The following PPM1H variants were observed in gnomAD, a reference collection of about 807,000 sequenced individuals.
The protein encoded by PPM1H is protein phosphatase 1H.
PPM1H carries 27 observed loss-of-function variants against 54.9 expected under a neutral mutation model. The observed-to-expected ratio is 0.49, with a 90% CI of 0.36 to 0.68. The LOEUF (loss-of-function observed/expected upper bound fraction) is 0.68, where lower values mean the gene tolerates loss of function less well. Among genes scored for constraint, PPM1H ranks in the 30% least tolerant of loss-of-function variants. The probability of loss-of-function intolerance (pLI) is 0.00; values close to 1 mark genes in which losing one functional copy is unlikely to be tolerated. For missense variants in PPM1H, 596 were observed against 667.8 expected, an observed-to-expected ratio of 0.89 and a Z score of 1.19; for synonymous variants, 305 against 270.8, an observed-to-expected ratio of 1.13 and a Z score of -1.24.
At chr12:62,759,313 C>A (rs1252734955) in intron 4 of PPM1H, among the ~76,000 whole-genome samples, 1 of 152,236 alleles carries the variant, frequency 6.6e-6, no homozygotes, top group African/African-American at 2.4e-5. Context: ...GTCCTCAGAC[C>A]AACCAGCCCA....
intron 1 of PPM1H, among the ~76,000 whole-genome samples, chr12:62,932,402 C>T (rs41387146): frequency 0.18 from 26,878 of 151,836 alleles, 2,643 homozygotes; most frequent in African/African-American, 0.24. Flanking sequence ...TTTACTGTGT[C>T]CAAACGGCTT....
chr12:62,714,880 C>T (rs1450233721), intron 6 of PPM1H, among the ~76,000 whole-genome samples: 1 of 152,184 alleles, frequency 6.6e-6, no homozygotes, highest in Non-Finnish European at 1.5e-5. Context: ...TTGGCCCTTG[C>T]TCTCTCTACA....
chr12:62,717,108 G>T (rs570257364), intron 6 of PPM1H, among the ~76,000 whole-genome samples: 41 of 152,230 alleles, frequency 2.7e-4, no homozygotes, highest in African/African-American at 9.6e-4. Flanking sequence ...CCAAATGCTG[G>T]GATTATAGGT....
At chr12:62,925,483 C>T (rs1871945380) in intron 1 of PPM1H, among the ~76,000 whole-genome samples, 2 of 152,320 alleles carry the variant, frequency 1.3e-5, no homozygotes, top group Middle Eastern at 3.4e-3. Context: ...GAGGCTGAGG[C>T]ATGAGAATTG....
intron 2 of PPM1H, among the ~76,000 whole-genome samples, chr12:62,825,011 G>C (rs925394615): frequency 7.9e-5 from 12 of 151,884 alleles, no homozygotes; most frequent in African/African-American, 1.9e-4. Flanking sequence ...GTTGACAAAG[G>C]GCTAATATCC....
intron 4 of PPM1H, among the ~76,000 whole-genome samples, chr12:62,743,427 C>G (rs551702509): frequency 1.3e-5 from 2 of 152,024 alleles, no homozygotes; most frequent in Non-Finnish European, 2.9e-5. Context: ...TAATTTATTC[C>G]TAACCAATGA....
intron 7 of PPM1H, among the ~76,000 whole-genome samples, chr12:62,690,883 A>G (rs2076078996): frequency 6.6e-6 from 1 of 152,208 alleles, no homozygotes; most frequent in Non-Finnish European, 1.5e-5. Flanking sequence ...AGGCATGAGA[A>G]TCACTTGAAC....
At chr12:62,880,263 A>T (rs182872447) in intron 1 of PPM1H, among the ~76,000 whole-genome samples, 161 of 152,356 alleles carry the variant, frequency 1.1e-3, no homozygotes, top group Middle Eastern at 3.4e-3. Context: ...ATACTGCTCT[A>T]ACAAAGTCAA....
chr12:62,806,589 G>T (rs564493940), intron 2 of PPM1H, among the ~76,000 whole-genome samples: 1 of 152,136 alleles, frequency 6.6e-6, no homozygotes, highest in Non-Finnish European at 1.5e-5. Context: ...CCTTGTTCTT[G>T]TGACAGTGAG....
intron 4 of PPM1H, among the ~76,000 whole-genome samples, chr12:62,766,313 ACTTAAC>A (rs1209300301): frequency 6.6e-6 from 1 of 152,190 alleles, no homozygotes; most frequent in Admixed American, 6.5e-5. Flanking sequence ...ATTTATCCAT[ACTTAAC>A]CTTTACCCTT....
chr12:62,765,847 T>C (rs747434025), intron 4 of PPM1H, among the ~76,000 whole-genome samples: 11 of 152,166 alleles, frequency 7.2e-5, no homozygotes, highest in Non-Finnish European at 1.5e-4. Flanking sequence ...GGGCAGCATG[T>C]TATCAAGACA....
intron 4 of PPM1H, among the ~76,000 whole-genome samples, chr12:62,746,157 T>C (rs941070000): frequency 2.6e-5 from 4 of 152,082 alleles, no homozygotes; most frequent in African/African-American, 9.7e-5. Flanking sequence ...ATCATGCCAC[T>C]GCACTCCAGC....
At chr12:62,679,837 AC>A (rs1340126197) in intron 8 of PPM1H, among the ~76,000 whole-genome samples, 1 of 152,206 alleles carries the variant, frequency 6.6e-6, no homozygotes, top group African/African-American at 2.4e-5. Context: ...ATATGCCTTT[AC>A]ACTGCAAAGT....
intron 1 of PPM1H, among the ~76,000 whole-genome samples, chr12:62,896,588 A>G (rs1870996484): frequency 6.6e-6 from 1 of 152,232 alleles, no homozygotes; most frequent in East Asian, 1.9e-4. Flanking sequence ...ATCGTTAAAA[A>G]GTCAGGAAAC....
intron 5 of PPM1H, among the ~76,000 whole-genome samples, chr12:62,725,727 GC>G (rs538349738): frequency 4.3e-4 from 65 of 151,886 alleles, no homozygotes; most frequent in Non-Finnish European, 9.1e-4. Flanking sequence ...AATCTTTTCC[GC>G]CCCTGCAGGT....
At chr12:62,724,851 G>A (rs2076281657) in intron 5 of PPM1H, among the ~76,000 whole-genome samples, 1 of 152,072 alleles carries the variant, frequency 6.6e-6, no homozygotes, top group South Asian at 2.1e-4. Context: ...TATTTAATAA[G>A]GGATATAGAA....
intron 4 of PPM1H, among the ~76,000 whole-genome samples, chr12:62,777,906 G>C (rs1323153855): frequency 5.9e-5 from 9 of 152,152 alleles, no homozygotes; most frequent in Admixed American, 5.9e-4. Flanking sequence ...TTGGTATGCT[G>C]TTTACTTGTA....
At chr12:62,787,598 T>C (rs773640152) in intron 4 of PPM1H, among the ~76,000 whole-genome samples, 7 of 152,298 alleles carry the variant, frequency 4.6e-5, no homozygotes, top group Non-Finnish European at 8.8e-5. Context: ...GGTGGGAGGA[T>C]TGTTTGAGCC....
At chr12:62,772,888 G>A (rs2076587561) in intron 4 of PPM1H, among the ~76,000 whole-genome samples, 1 of 152,218 alleles carries the variant, frequency 6.6e-6, no homozygotes, top group Non-Finnish European at 1.5e-5. Context: ...GGTGGCTCAT[G>A]CCTGTAATCC....
Sources: allele counts gnomAD v4.1 joint callset (sites outside exome capture counted in the v4.1 genomes callset), GRCh38; gene constraint gnomAD v4.1.1; transcripts MANE v1.5; gene names NCBI Gene and HGNC (gene_info 2026-07-23, HGNC 2026-07-21).